The following STAU1 variants were observed in gnomAD, a reference collection of about 807,000 sequenced individuals.
STAU1 encodes the protein staufen double-stranded RNA binding protein 1, also known as double-stranded RNA-binding protein Staufen homolog 1.
STAU1 carries 13 observed loss-of-function variants against 62.9 expected under a neutral mutation model. That is an observed-to-expected ratio of 0.21 (90% CI 0.13 to 0.33). The LOEUF (loss-of-function observed/expected upper bound fraction) is 0.33, where lower values mean the gene tolerates loss of function less well. Among genes scored for constraint, STAU1 ranks in the 10% least tolerant of loss-of-function variants. STAU1 has a pLI of 1.00. For synonymous variants in STAU1, 269 were observed against 265.1 expected (o/e 1.01, Z -0.14); for missense variants, 571 against 712.1 (o/e 0.80, Z 2.25).
At chr20:49,146,442 C>T (rs1398189051) in intron 5 of STAU1, among the ~76,000 whole-genome samples, 1 of 152,042 alleles carries the variant, frequency 6.6e-6, no homozygotes, top group East Asian at 1.9e-4. Flanking sequence ...TGGCTCATGC[C>T]TGTAATCCCA....
intron 2 of STAU1, among the ~76,000 whole-genome samples, chr20:49,171,523 G>A (rs968272941): frequency 7.9e-5 from 12 of 152,128 alleles, no homozygotes; most frequent in African/African-American, 2.4e-4. Flanking sequence ...TCCTGACCTT[G>A]TGATCCGCCT....
chr20:49,182,848 AAAAAAAAT>A (rs1484089754), intron 1 of STAU1, among the ~76,000 whole-genome samples: 1 of 151,996 alleles, frequency 6.6e-6, no homozygotes, highest in African/African-American at 2.4e-5. Context: ...CAAAAAAAAA[AAAAAAAAT>A]AGTAGACGGT....
chr20:49,162,785 A>C (rs1224574016), intron 3 of STAU1, among the ~76,000 whole-genome samples: 2 of 151,992 alleles, frequency 1.3e-5, no homozygotes, highest in Non-Finnish European at 2.9e-5. Flanking sequence ...CAAAAAAAAA[A>C]AAAACAGATT....
chr20:49,151,321 C>A (rs73268155), intron 5 of STAU1, among the ~76,000 whole-genome samples: 2 of 152,128 alleles, frequency 1.3e-5, no homozygotes, highest in Admixed American at 1.3e-4. Context: ...AACTTTCTAA[C>A]GTGTTCACAC....
At chr20:49,163,529 G>A (rs138542834) in intron 3 of STAU1, among the ~76,000 whole-genome samples, 4,099 of 145,890 alleles carry the variant, frequency 0.028, 59 homozygotes, top group South Asian at 0.044. Flanking sequence ...AGGTTCAAGC[G>A]ATTTTCCTGC....
At chr20:49,204,600 ATATATATATATATATATATATATGTG>A in the STAU1 span, among the ~76,000 whole-genome samples, 130 of 37,336 alleles carry the variant, frequency 3.5e-3, 2 homozygotes, top group Middle Eastern at 0.019. Flanking sequence ...CATTATATAT[ATATATATATATATATATATATATGTG>A]TATATATATA....
At chr20:49,203,486 G>A in the STAU1 span, among the ~76,000 whole-genome samples, 1 of 152,138 alleles carries the variant, frequency 6.6e-6, no homozygotes, top group Non-Finnish European at 1.5e-5. Context: ...CAGAATATTT[G>A]TGACAGGTCC....
intron 3 of STAU1, among the ~76,000 whole-genome samples, chr20:49,156,898 G>A (rs2093367519): frequency 6.8e-6 from 1 of 148,008 alleles, no homozygotes; most frequent in African/African-American, 2.5e-5. Flanking sequence ...TTTTTTAAGA[G>A]ACACAGTCTC....
At chr20:49,134,447 A>AAAAAAAAAAAAAAAAAAAAAAG in intron 6 of STAU1, 1 of 624,486 alleles carries the variant, frequency 1.6e-6, no homozygotes, top group Non-Finnish European at 2.8e-6. Flanking sequence ...AAAAAAAAAA[A>AAAAAAAAAAAAAAAAAAAAAAG]AAGCTCTGGG....
chr20:49,178,471 C>T (rs1031744537), intron 1 of STAU1, among the ~76,000 whole-genome samples: 7 of 151,724 alleles, frequency 4.6e-5, no homozygotes, highest in Admixed American at 2.6e-4. Context: ...AAAATTAGGC[C>T]GGCGCAGTGA....
intron 3 of STAU1, among the ~76,000 whole-genome samples, chr20:49,164,502 G>A (rs898986288): frequency 3.3e-5 from 5 of 151,572 alleles, no homozygotes; most frequent in Non-Finnish European, 7.4e-5. Context: ...TGTTGCCCAG[G>A]CTGGTCTCCA....
chr20:49,166,898 G>A (rs1007170993), intron 2 of STAU1, among the ~76,000 whole-genome samples: 3 of 152,122 alleles, frequency 2.0e-5, no homozygotes, highest in Admixed American at 1.3e-4. Context: ...ACCCAAACAA[G>A]GAAACTATCA....
the STAU1 span, among the ~76,000 whole-genome samples, chr20:49,215,660 A>C: frequency 6.6e-6 from 1 of 152,180 alleles, no homozygotes; most frequent in Non-Finnish European, 1.5e-5. Flanking sequence ...ATTGCTCAAC[A>C]TTGATTACTG....
chr20:49,168,909 G>C (rs2093561444), intron 2 of STAU1, among the ~76,000 whole-genome samples: 2 of 150,856 alleles, frequency 1.3e-5, no homozygotes, highest in Admixed American at 1.3e-4. Flanking sequence ...GACAGGAAAA[G>C]AAAATCCCCT....
intron 5 of STAU1, among the ~76,000 whole-genome samples, chr20:49,146,919 A>G (rs996913346): frequency 2.0e-5 from 3 of 152,068 alleles, no homozygotes; most frequent in African/African-American, 7.2e-5. Context: ...GTTTTTCTCT[A>G]TTACAGATAC....
chr20:49,179,759 C>G (rs192286314), intron 1 of STAU1, among the ~76,000 whole-genome samples: 1 of 152,316 alleles, frequency 6.6e-6, no homozygotes, highest in Non-Finnish European at 1.5e-5. Context: ...GAGAATCAGA[C>G]AAGATCTAGT....
At chr20:49,203,833 TGC>T in the STAU1 span, among the ~76,000 whole-genome samples, 12 of 152,102 alleles carry the variant, frequency 7.9e-5, no homozygotes, top group Non-Finnish European at 1.5e-4. Flanking sequence ...ATTACAGGCG[TGC>T]GCCACCACGC....
chr20:49,213,048 C>A, the STAU1 span, among the ~76,000 whole-genome samples: 66 of 152,110 alleles, frequency 4.3e-4, no homozygotes, highest in African/African-American at 1.6e-3. Context: ...CTCTGTCATC[C>A]AGGCTAGAGT....
chr20:49,194,323 G>A, the STAU1 span, among the ~76,000 whole-genome samples: 1 of 151,604 alleles, frequency 6.6e-6, no homozygotes, highest in African/African-American at 2.4e-5. Context: ...CAGCTACTCA[G>A]GAGGCTGAGG....
Sources: gnomAD v4.1 joint callset for allele counts (sites outside exome capture counted in the v4.1 genomes callset) on GRCh38, gnomAD v4.1.1 for gene constraint, MANE v1.5 for transcripts, NCBI Gene and HGNC (gene_info 2026-07-23, HGNC 2026-07-21) for gene names.